PLA2G4E: variants seen among roughly 807,000 people sequenced by gnomAD.
PLA2G4E encodes cytosolic phospholipase A2 epsilon.
PLA2G4E carries 84 observed loss-of-function variants against 109.1 expected under a neutral mutation model. The ratio of observed to expected loss-of-function variants is 0.77; its 90% CI spans 0.65 to 0.92. The LOEUF is 0.92. Ranked by LOEUF, PLA2G4E falls within the 40% of genes least tolerant of loss-of-function variation. PLA2G4E has a pLI of 0.00. For synonymous variants in PLA2G4E, 469 were observed against 436.1 expected (o/e 1.08, Z -0.94); for missense variants, 1,057 against 1,076.6 (o/e 0.98, Z 0.25).
At chr15:42,026,834 G>T (rs190246757) in intron 1 of PLA2G4E, among the ~76,000 whole-genome samples, 1 of 151,968 alleles carries the variant, frequency 6.6e-6, no homozygotes, top group Non-Finnish European at 1.5e-5. Context: ...TTAGCTGGGC[G>T]TGGTGGTGGG....
intron 1 of PLA2G4E, among the ~76,000 whole-genome samples, chr15:42,047,462 C>T (rs75863846): frequency 0.094 from 14,309 of 152,176 alleles, 717 homozygotes; most frequent in South Asian, 0.19. Flanking sequence ...CCCATGAAAA[C>T]GACATGAATT....
At chr15:42,016,497 C>T (rs114227795) in intron 1 of PLA2G4E, among the ~76,000 whole-genome samples, 10 of 152,016 alleles carry the variant, frequency 6.6e-5, no homozygotes, top group African/African-American at 2.2e-4. Flanking sequence ...CGACCACGCC[C>T]GGCTAATTTT....
Position 41,984,423 on chromosome 15 carries a change from A to T in PLA2G4E, c.2386+13T>A, listed in dbSNP as rs777135067. ...GCAGCAGGTGCTGGGAACTGAGCAC[A>T]GAGGCAGCTCACCTGGTGCCTTGTA... On this transcript the variant is annotated intron_variant, in intron 19 of 19. Coordinates refer to ENST00000399518, the Ensembl canonical transcript of PLA2G4E. 5.0e-6 allele frequency: 8 copies of T among 1,605,850 alleles called. No individual in the cohort carries two copies. The highest frequency in any genetic ancestry group is 6.8e-6 in the Non-Finnish European group (8 of 1,174,694).
intron 2 of PLA2G4E, among the ~76,000 whole-genome samples, chr15:42,013,021 C>G (rs2068552737): frequency 1.3e-5 from 2 of 152,180 alleles, no homozygotes; most frequent in South Asian, 4.1e-4. Context: ...GAGGATTCTG[C>G]CCACTGAGAT....
At chr15:41,996,493 G>C (rs1160595738) in intron 11 of PLA2G4E, among the ~76,000 whole-genome samples, 2 of 151,094 alleles carry the variant, frequency 1.3e-5, no homozygotes, top group East Asian at 4.0e-4. Flanking sequence ...TCGGGCACCC[G>C]CCAGGTCTCT....
Position 42,004,924 on chromosome 15 carries a change from C to T in PLA2G4E, c.566+14G>A, listed in dbSNP as rs2068459747. On this transcript the variant is annotated intron_variant, in intron 5 of 19. Coordinates refer to ENST00000399518, the Ensembl canonical transcript of PLA2G4E. ...CCAGGACCTTGGTGGGCCCCGGGGC[C>T]TGGGCCTACTCACCTCTCCTCCAGC... 1 of 1,612,672 alleles carries T rather than the reference C, an allele frequency of 6.2e-7. No homozygotes were observed. Among genetic ancestry groups the T allele is most frequent in the South Asian group, 1.1e-5 (1 of 90,626 alleles).
intron 10 of PLA2G4E, among the ~76,000 whole-genome samples, chr15:41,999,284 T>C (rs1472077439): frequency 6.6e-6 from 1 of 152,174 alleles, no homozygotes; most frequent in Admixed American, 6.5e-5. Flanking sequence ...GATTTGTATC[T>C]GGCATATGTA....
At chr15:42,013,886 T>G (rs1035815722) in intron 1 of PLA2G4E, 129 bp from the exon 2 acceptor site, 6 of 169,514 alleles carry the variant, frequency 3.5e-5, no homozygotes, top group South Asian at 1.5e-4. Flanking sequence ...AGGCTGGTTT[T>G]TTTTTTTTTT....
chr15:41,991,101 G>C (rs2141028513), intron 13 of PLA2G4E, among the ~76,000 whole-genome samples: 1 of 152,298 alleles, frequency 6.6e-6, no homozygotes, highest in East Asian at 1.9e-4. Context: ...AGAGCCCACT[G>C]TCCTGGAAGT....
chr15:41,981,643 T>G (rs1445690140), exon 20 of PLA2G4E: 1 of 152,266 alleles, frequency 6.6e-6, no homozygotes, highest in African/African-American at 2.4e-5. Context: ...AAACCTCGTT[T>G]CACAAACTTT....
chr15:42,011,287 C>T (rs960156721), intron 2 of PLA2G4E, among the ~76,000 whole-genome samples: 1 of 152,266 alleles, frequency 6.6e-6, no homozygotes, highest in African/African-American at 2.4e-5. Context: ...CCTCACACCC[C>T]GTCACCTGCT....
intron 1 of PLA2G4E, among the ~76,000 whole-genome samples, chr15:42,024,447 A>T (rs1181323574): frequency 6.6e-6 from 1 of 151,720 alleles, no homozygotes; most frequent in African/African-American, 2.4e-5. Flanking sequence ...GAGGCCTCCG[A>T]CTCCAGGCCT....
chr15:42,027,587 G>A (rs2141069166), intron 1 of PLA2G4E, among the ~76,000 whole-genome samples: 1 of 152,318 alleles, frequency 6.6e-6, no homozygotes, highest in Non-Finnish European at 1.5e-5. Context: ...GTGATCTCCT[G>A]AAAACATAAG....
At chr15:41,984,367 C>G (rs999090975) in intron 19 of PLA2G4E, 69 bp downstream of exon 19, 1 of 1,481,196 alleles carries the variant, frequency 6.8e-7, no homozygotes, top group Non-Finnish European at 9.2e-7. Context: ...CTTAGAGACT[C>G]TACAGATCTA....
chr15:42,014,971 C>A lies in PLA2G4E; in HGVS notation c.184-1214G>T, dbSNP rs554612595. Reference sequence around the variant, plus strand: ...CTAACAACTGGGGTGTGGGAACACTCCCAGCCCTGCTCACGCGGTGCTGAT... The same window carrying A: ...CTAACAACTGGGGTGTGGGAACACTACCAGCCCTGCTCACGCGGTGCTGAT... On this transcript the variant is annotated intron_variant, in intron 1 of 19. Coordinates refer to ENST00000399518, the Ensembl canonical transcript of PLA2G4E. Among the ~76,000 whole-genome samples, 5 of 152,242 alleles carry A rather than the reference C, an allele frequency of 3.3e-5. No homozygotes were observed. The East Asian group carries it at 9.7e-4, about 29-fold the overall frequency.
intron 10 of PLA2G4E, chr15:41,998,216 G>A (rs1197599052): frequency 6.6e-6 from 1 of 152,206 alleles, no homozygotes; most frequent in Non-Finnish European, 1.5e-5. Context: ...TGAAGGCTGG[G>A]CCTAGGAGAT....
rs375292288 is a variant in PLA2G4E, at chr15:41,997,252, T to C, written c.982A>G (p.Thr328Ala). 4 of 1,546,308 alleles carry C rather than the reference T, an allele frequency of 2.6e-6. No individual in the cohort carries two copies. The African/African-American group carries it at 4.1e-5, about 16-fold the overall frequency. ...CTGAAGCCCAGCCGCACGTCCAGTG[T>C]CTCAGGGCTGGAGGGAGAGAGGACC... is the stretch of plus-strand genomic sequence containing the variant. The change falls in exon 11 of 20, where the codon ACA becomes GCA. Residue 328 changes from threonine to alanine, a missense_variant. Thr to Ala is a moderately conservative substitution (Grantham distance 58). Coordinates refer to ENST00000399518, the Ensembl canonical transcript of PLA2G4E.
chr15:42,019,483 A>G (rs1265491044), intron 1 of PLA2G4E, among the ~76,000 whole-genome samples: 2 of 152,026 alleles, frequency 1.3e-5, no homozygotes, highest in African/African-American at 4.8e-5. Context: ...GAGAGAGGGG[A>G]AGATGGCACC....
chr15:42,013,663 G>A (rs1212752888), intron 2 of PLA2G4E, 22 bp downstream of exon 2: 40 of 1,544,194 alleles, frequency 2.6e-5, no homozygotes, highest in South Asian at 8.3e-5. Context: ...CAGAGAAGGA[G>A]AGAAGTGAGG....
Sources: allele counts gnomAD v4.1 joint callset (sites outside exome capture counted in the v4.1 genomes callset), GRCh38; gene constraint gnomAD v4.1.1; transcripts MANE v1.5; gene names NCBI Gene and HGNC (gene_info 2026-07-23, HGNC 2026-07-21).